The following EIF4G3 variants were observed in gnomAD, a reference collection of about 807,000 sequenced individuals.
The protein encoded by EIF4G3 is eukaryotic translation initiation factor 4 gamma 3, also known as eIF-4-gamma 3.
In EIF4G3, 34 loss-of-function variants were observed where a neutral mutation model predicts 186.4. That is an observed-to-expected ratio of 0.18 (90% CI 0.14 to 0.24). The LOEUF (loss-of-function observed/expected upper bound fraction) is 0.24, where lower values mean the gene tolerates loss of function less well. Among genes scored for constraint, EIF4G3 ranks in the 10% least tolerant of loss-of-function variants. The probability of loss-of-function intolerance (pLI) is 1.00; values close to 1 mark genes in which losing one functional copy is unlikely to be tolerated. For synonymous variants in EIF4G3, 673 were observed against 679.5 expected (o/e 0.99, Z 0.15); for missense variants, 1,536 against 1,948.5 (o/e 0.79, Z 3.99).
At chr1:20,933,429 G>A (rs1300895227) in intron 14 of EIF4G3, among the ~76,000 whole-genome samples, 1 of 152,152 alleles carries the variant, frequency 6.6e-6, no homozygotes, top group Non-Finnish European at 1.5e-5. Context: ...GGCTGAGCCG[G>A]GTGGATCACA....
At chr1:20,950,866 A>G (rs1251588603) in intron 12 of EIF4G3, among the ~76,000 whole-genome samples, 2 of 152,212 alleles carry the variant, frequency 1.3e-5, no homozygotes, top group Non-Finnish European at 2.9e-5. Context: ...GAACAGAATT[A>G]CACAAGAGAG....
chr1:21,029,539 G>A (rs2092541184), intron 4 of EIF4G3, among the ~76,000 whole-genome samples: 1 of 151,984 alleles, frequency 6.6e-6, no homozygotes, highest in African/African-American at 2.4e-5. Context: ...GGAGGCCAAG[G>A]CAGAAGGATC....
At chr1:20,953,592 G>A (rs1021847850) in intron 12 of EIF4G3, among the ~76,000 whole-genome samples, 2 of 152,050 alleles carry the variant, frequency 1.3e-5, no homozygotes, top group Non-Finnish European at 2.9e-5. Flanking sequence ...ATACTTCTTT[G>A]CACAATTCAA....
chr1:21,007,538 C>CACAAAAAAA (rs2085587401), intron 4 of EIF4G3, among the ~76,000 whole-genome samples: 1 of 58,488 alleles, frequency 1.7e-5, no homozygotes, highest in Non-Finnish European at 3.4e-5. Context: ...AAAAAAAAAA[C>CACAAAAAAA]ACACTCAAAA....
At chr1:20,813,104 T>G (rs1349942508) in intron 35 of EIF4G3, 54 bp downstream of exon 35, 6 of 1,241,522 alleles carry the variant, frequency 4.8e-6, no homozygotes, top group Middle Eastern at 1.9e-4. Context: ...TACTTAGTAG[T>G]TGACATAATG....
In EIF4G3 at chr1:21,146,730, C is replaced by A. The variant is rs555208338; in HGVS notation, c.-272+29445G>T. ...CAAGATCATGCCATTGCACTCCCGC[C>A]TGGACAACAAGAGCAAAACTCCATC... is the stretch of plus-strand genomic sequence containing the variant. On this transcript the variant is annotated intron_variant, in intron 2 of 36. Transcript: ENST00000602326. 5.3e-5 allele frequency among the ~76,000 whole-genome samples: 8 copies of A among 152,118 alleles called. No homozygotes were observed. The South Asian group carries it at 1.7e-3, about 32-fold the overall frequency.
intron 4 of EIF4G3, chr1:21,003,629 A>G (rs2084205804): frequency 3.0e-6 from 1 of 338,258 alleles, no homozygotes; most frequent in Non-Finnish European, 5.7e-6. Context: ...TTGTCAGTAC[A>G]ATGAAACAAA....
intron 3 of EIF4G3, among the ~76,000 whole-genome samples, chr1:21,058,495 T>G (rs906706758): frequency 2.6e-5 from 4 of 151,904 alleles, no homozygotes; most frequent in Non-Finnish European, 5.9e-5. Flanking sequence ...TCTAGGGGTA[T>G]CTCATGATCA....
rs1051674317 is a variant in EIF4G3 at position 21,082,251 on chromosome 1, T to G, written c.-196+6887A>C. 4.6e-5 allele frequency among the ~76,000 whole-genome samples: 7 copies of G among 150,884 alleles called. No individual in the cohort carries two copies. In the South Asian group the frequency reaches 1.5e-3, roughly 32 times the overall value. ...GAGCCTTTCAAGGAATTTAACCAAC[T>G]CAATGAAAGTGACATATGGACACCA... On this transcript the variant is annotated intron_variant, in intron 3 of 36. Transcript: ENST00000602326.
chr1:20,920,264 G>A (rs1558242726), intron 14 of EIF4G3, among the ~76,000 whole-genome samples: 2 of 152,092 alleles, frequency 1.3e-5, no homozygotes, highest in Non-Finnish European at 1.5e-5. Flanking sequence ...TTTTAAAATA[G>A]GCAATTTATG....
At chr1:20,878,403 C>T (rs185285759) in intron 20 of EIF4G3, among the ~76,000 whole-genome samples, 1 of 152,254 alleles carries the variant, frequency 6.6e-6, no homozygotes, top group Admixed American at 6.5e-5. Context: ...TCCATTCAGG[C>T]ATTGAGATAC....
At chr1:20,854,904 T>A (rs969651899) in intron 26 of EIF4G3, 74 bp downstream of exon 26, 1 of 1,230,838 alleles carries the variant, frequency 8.1e-7, no homozygotes, top group Non-Finnish European at 1.2e-6. Flanking sequence ...CATCATTCGA[T>A]GACTATGGGA....
At chr1:21,077,116 A>G (rs2095612589) in intron 3 of EIF4G3, among the ~76,000 whole-genome samples, 3 of 152,220 alleles carry the variant, frequency 2.0e-5, no homozygotes, top group East Asian at 1.9e-4. Flanking sequence ...AAAAAATCCA[A>G]TTTAAAAATG....
At chr1:21,019,780 A>G (rs942640151) in intron 4 of EIF4G3, among the ~76,000 whole-genome samples, 1 of 152,176 alleles carries the variant, frequency 6.6e-6, no homozygotes, top group Non-Finnish European at 1.5e-5. Flanking sequence ...GCAACTAGGG[A>G]GGCTGAGGCA....
At chr1:21,017,163 A>G (rs1474268693) in intron 4 of EIF4G3, among the ~76,000 whole-genome samples, 1 of 152,196 alleles carries the variant, frequency 6.6e-6, no homozygotes, top group Non-Finnish European at 1.5e-5. Context: ...ACACATTACA[A>G]CATGGATGAG....
chr1:20,933,586 C>T (rs192271553), intron 14 of EIF4G3, among the ~76,000 whole-genome samples: 16 of 151,902 alleles, frequency 1.1e-4, no homozygotes, highest in Admixed American at 3.9e-4. Context: ...ACCTGGGAGG[C>T]GGAAGGTTGC....
chr1:20,895,496 A>T lies in EIF4G3; in HGVS notation c.2005T>A (p.Trp669Arg). ...TTACCTTCAGTATCAGTAGGCTTCC[A>T]GGATTCTAGAAAGAGGAATATAGGC... is the stretch of plus-strand genomic sequence containing the variant. ...GVTFPFKPES[W>R]KPTDTEGKKQ... is the part of the protein sequence containing the mutation. Residue 669 changes from tryptophan (W) to arginine (R), a missense_variant, in exon 17 of 37, where the codon TGG becomes AGG. Transcript: ENST00000602326. 6.2e-7 allele frequency: 1 copy of T among 1,613,906 alleles called. No homozygotes were observed. The highest frequency in any genetic ancestry group is 8.5e-7 in the Non-Finnish European group (1 of 1,179,864).
In EIF4G3 at chr1:21,096,523, T is replaced by C. The variant is rs76307923; in HGVS notation, c.-271-7310A>G. The stretch of plus-strand genomic sequence containing the variant: ...TTACACTTGTCCCCCATAAATTTAA[T>C]TGCCCACTGTGAAGAAATATCAGTA... On this transcript the variant is annotated intron_variant, in intron 2 of 36. Coordinates refer to ENST00000602326, the MANE Select transcript of EIF4G3 (RefSeq NM_001391906.1). Among the ~76,000 whole-genome samples the C allele has an allele frequency of 5.4e-3, 826 of 152,306 alleles. 12 individuals are homozygous for C. The highest frequency in any genetic ancestry group is 0.024 in the East Asian group (125 of 5,186).
intron 14 of EIF4G3, among the ~76,000 whole-genome samples, chr1:20,913,548 A>T (rs984071292): frequency 6.6e-6 from 1 of 152,222 alleles, no homozygotes; most frequent in Admixed American, 6.5e-5. Context: ...ACGAAGCCAG[A>T]TATCTATAAC....
Sources: allele counts gnomAD v4.1 joint callset (sites outside exome capture counted in the v4.1 genomes callset), GRCh38; gene constraint gnomAD v4.1.1; transcripts MANE v1.5; gene names NCBI Gene and HGNC (gene_info 2026-07-23, HGNC 2026-07-21).